Variants in ECE1 observed in about 807,000 individuals in gnomAD.
ECE1 encodes the protein endothelin-converting enzyme 1.
A neutral mutation model predicts 98.6 loss-of-function variants in ECE1; 35 were observed. The observed-to-expected ratio is 0.35, with a 90% CI of 0.27 to 0.47. The LOEUF is 0.47. Ranked by LOEUF, ECE1 falls within the 20% of genes least tolerant of loss-of-function variation. The pLI is 1.00. For synonymous variants in ECE1, 394 were observed against 407.1 expected, an observed-to-expected ratio of 0.97 and a Z score of 0.39; for missense variants, 814 against 1,025.3, an observed-to-expected ratio of 0.79 and a Z score of 2.81.
At chr1:21,275,535 C>T (rs921025841) in intron 3 of ECE1, among the ~76,000 whole-genome samples, 1 of 152,160 alleles carries the variant, frequency 6.6e-6, no homozygotes, top group Admixed American at 6.5e-5. Context: ...GCGGAGATTG[C>T]AGTGAGCCAA....
rs1446035959 is a variant in ECE1, at chr1:21,322,420, C to G, written c.3+22956G>C. ...CAGACGCCCAGGCAGCCTGGCTGCA[C>G]AGTTGCCATGGAAACACCAGTGGGT... is the stretch of plus-strand genomic sequence containing the variant. On this transcript the variant is annotated intron_variant, in intron 1 of 18. Coordinates refer to the ECE1 transcript ENST00000415912. The surrounding 1 kb of genome is among the most constrained non-coding windows in gnomAD (Gnocchi z 4.1). Among the ~76,000 whole-genome samples the G allele has an allele frequency of 1.3e-5, 2 of 152,218 alleles. No homozygotes were observed. The highest frequency in any genetic ancestry group is 4.8e-5 in the African/African-American group (2 of 41,472).
chr1:21,255,812 G>T, intron 8 of ECE1, 135 bp downstream of exon 8: 1 of 973,946 alleles, frequency 1.0e-6, no homozygotes, highest in Non-Finnish European at 1.5e-6. Context: ...TCTGTGGACT[G>T]GGCATAACAA....
At chr1:21,326,376 T>C (rs768299197) in intron 1 of ECE1, among the ~76,000 whole-genome samples, 1 of 151,782 alleles carries the variant, frequency 6.6e-6, no homozygotes, top group Non-Finnish European at 1.5e-5. Context: ...GGGGTGTGTG[T>C]GTCGGGGGTG....
At chr1:21,288,549 CA>C (rs1396693520) in intron 2 of ECE1, among the ~76,000 whole-genome samples, 1 of 152,204 alleles carries the variant, frequency 6.6e-6, no homozygotes, top group Admixed American at 6.5e-5. Flanking sequence ...GGTTATACCC[CA>C]AACAGGCTGC....
chr1:21,285,167 C>T (rs1385492359), intron 2 of ECE1, among the ~76,000 whole-genome samples: 1 of 152,160 alleles, frequency 6.6e-6, no homozygotes, highest in Non-Finnish European at 1.5e-5. Flanking sequence ...TGACTGGTAA[C>T]AGCTTAAAAT....
upstream of ECE1, chr1:21,294,320 G>C (rs1278049194): frequency 6.6e-6 from 1 of 152,316 alleles, no homozygotes; most frequent in Non-Finnish European, 1.5e-5. The surrounding 1 kb of genome is among the most constrained non-coding windows in gnomAD (Gnocchi z 4.2). Flanking sequence ...TGGGTGCCAC[G>C]CCTGGCCCCG....
chr1:21,262,056 T>C (rs192382052), intron 4 of ECE1, among the ~76,000 whole-genome samples: 102 of 152,152 alleles, frequency 6.7e-4, no homozygotes, highest in African/African-American at 2.2e-3. Flanking sequence ...ATCCTCACCA[T>C]AAATAGCACC....
intron 8 of ECE1, among the ~76,000 whole-genome samples, chr1:21,254,697 C>T (rs2098217675): frequency 6.6e-6 from 1 of 151,398 alleles, no homozygotes; most frequent in Non-Finnish European, 1.5e-5. Context: ...ACAACATCAC[C>T]CTCAGCCTCC....
At position 21,225,743 on chromosome 1, in the gene ECE1, G is replaced by C. The variant is rs1341689242; in HGVS notation, c.1850-303C>G. Reference sequence around the variant, plus strand: ...GTCTCACTCTGCCACTCAGGCTGGAGTGCAGTGGCGCAATCTCAGCTCACT... The same window carrying C: ...GTCTCACTCTGCCACTCAGGCTGGACTGCAGTGGCGCAATCTCAGCTCACT... On this transcript the variant is annotated intron_variant, in intron 16 of 18. Coordinates refer to ENST00000374893, the MANE Select transcript of ECE1 (RefSeq NM_001397.3). This position sits in a 1 kb window ranked among gnomAD's most constrained non-coding sequence, Gnocchi z 5.3. 1.0e-4 allele frequency among the ~76,000 whole-genome samples: 15 copies of C among 150,340 alleles called. No homozygotes were observed. The highest frequency in any genetic ancestry group is 3.4e-4 in the African/African-American group (14 of 40,750).
At chr1:21,256,238 C>G in intron 7 of ECE1, 100 bp from the exon 8 acceptor site, 1 of 1,384,102 alleles carries the variant, frequency 7.2e-7, no homozygotes, top group African/African-American at 1.4e-5. Context: ...GCACAGGGAG[C>G]CAGGGGGCTG....
chr1:21,291,140 C>CA (rs2098266269), upstream of ECE1, among the ~76,000 whole-genome samples: 1 of 152,124 alleles, frequency 6.6e-6, no homozygotes, highest in Middle Eastern at 3.2e-3. Context: ...AGGTGCCCCC[C>CA]TCCCCAGCCC....
intron 1 of ECE1, among the ~76,000 whole-genome samples, chr1:21,330,989 G>A (rs1639189036): frequency 6.6e-6 from 1 of 152,216 alleles, no homozygotes; most frequent in Non-Finnish European, 1.5e-5. Context: ...AGCACAAGTT[G>A]GATTCAGCCA....
In ECE1 at chr1:21,327,459, C is replaced by T. The variant is rs765674230; in HGVS notation, c.3+17917G>A. Reference sequence around the variant, plus strand: ...CCACTACCACTGGCCTGGGCAAAGCCACCACCATTTTCTGATGCCACTCTT... The same window carrying T: ...CCACTACCACTGGCCTGGGCAAAGCTACCACCATTTTCTGATGCCACTCTT... On this transcript the variant is annotated intron_variant, in intron 1 of 18. Coordinates refer to the ECE1 transcript ENST00000415912. This position sits in a 1 kb window ranked among gnomAD's most constrained non-coding sequence, Gnocchi z 4.6. 2.0e-5 allele frequency among the ~76,000 whole-genome samples: 3 copies of T among 152,176 alleles called. No individual in the cohort carries two copies. The highest frequency in any genetic ancestry group is 2.9e-5 in the Non-Finnish European group (2 of 68,024).
At chr1:21,252,937 C>T (rs1428846290) in intron 8 of ECE1, among the ~76,000 whole-genome samples, 1 of 152,232 alleles carries the variant, frequency 6.6e-6, no homozygotes, top group Non-Finnish European at 1.5e-5. Context: ...AATGAACTCT[C>T]ATCCTTTACC....
chr1:21,304,487 C>T (rs1432190160), intron 1 of ECE1, among the ~76,000 whole-genome samples: 1 of 152,082 alleles, frequency 6.6e-6, no homozygotes, highest in Non-Finnish European at 1.5e-5. Context: ...CCAGGGTGAG[C>T]TGCCAATTTT....
chr1:21,343,839 A>C (rs2103423414), intron 1 of ECE1, among the ~76,000 whole-genome samples: 1 of 152,278 alleles, frequency 6.6e-6, no homozygotes, highest in South Asian at 2.1e-4. Context: ...TAAGGAAGAA[A>C]AAATTTTCTT....
At chr1:21,328,297 T>C (rs918982537) in intron 1 of ECE1, among the ~76,000 whole-genome samples, 9 of 152,222 alleles carry the variant, frequency 5.9e-5, no homozygotes, top group Non-Finnish European at 1.3e-4. Context: ...TAAACTCCCA[T>C]AGCAACCTGC....
chr1:21,278,849 C>T (rs374729754), intron 3 of ECE1, among the ~76,000 whole-genome samples: 4 of 152,314 alleles, frequency 2.6e-5, no homozygotes, highest in African/African-American at 9.6e-5. Context: ...AGCTATGGGA[C>T]ATATGTTATC....
chr1:21,257,473 A>C, intron 7 of ECE1, 52 bp downstream of exon 7: 2 of 1,598,956 alleles, frequency 1.3e-6, no homozygotes, highest in Non-Finnish European at 1.7e-6. Context: ...GTGGACACGG[A>C]GCAGGAAGGA....
Sources: gnomAD v4.1 joint callset for allele counts (sites outside exome capture counted in the v4.1 genomes callset) on GRCh38, gnomAD v4.1.1 for gene constraint, Gnocchi (gnomAD v3.1) non-coding constraint, MANE v1.5 for transcripts, NCBI Gene and HGNC (gene_info 2026-07-23, HGNC 2026-07-21) for gene names.